Variants in LINGO2 observed in about 807,000 individuals in gnomAD.
The protein encoded by LINGO2 is leucine-rich repeat and immunoglobulin-like domain-containing nogo receptor-interacting protein 2.
Under a neutral mutation model 30.6 loss-of-function variants are expected in LINGO2, and 14 were observed. The observed-to-expected ratio is 0.46, with a 90% CI of 0.30 to 0.72. LINGO2 has a LOEUF of 0.72. LINGO2 is among the 30% of genes least tolerant of loss of function. The probability of loss-of-function intolerance (pLI) is 0.07; values close to 1 mark genes in which losing one functional copy is unlikely to be tolerated. For missense variants in LINGO2, 729 were observed against 751.7 expected (o/e 0.97, Z 0.35); for synonymous variants, 317 against 288.5 (o/e 1.10, Z -1.00).
At chr9:28,926,295 T>C in the LINGO2 span, among the ~76,000 whole-genome samples, 4 of 151,950 alleles carry the variant, frequency 2.6e-5, no homozygotes, top group Admixed American at 6.6e-5. Flanking sequence ...GCCTGGGGGA[T>C]AGAGCAAGAC....
chr9:28,809,197 T>C, the LINGO2 span, among the ~76,000 whole-genome samples: 1 of 152,216 alleles, frequency 6.6e-6, no homozygotes, highest in Non-Finnish European at 1.5e-5. Flanking sequence ...CACTAAAAGA[T>C]AATAACTTTT....
chr9:28,763,114 T>C, the LINGO2 span, among the ~76,000 whole-genome samples: 45 of 152,076 alleles, frequency 3.0e-4, no homozygotes, highest in African/African-American at 1.0e-3. Flanking sequence ...TTCAATGATA[T>C]CCCAATCACA....
chr9:28,392,357 G>A (rs114306414), intron 2 of LINGO2, among the ~76,000 whole-genome samples: 360 of 152,252 alleles, frequency 2.4e-3, no homozygotes, highest in African/African-American at 8.3e-3. Context: ...CCTGGCTTTG[G>A]AGTCGGGCAT....
chr9:28,187,810 A>T (rs572860253), intron 4 of LINGO2, among the ~76,000 whole-genome samples: 7 of 152,314 alleles, frequency 4.6e-5, no homozygotes, highest in African/African-American at 1.7e-4. Context: ...ACATATGATA[A>T]CGTGATCTCT....
chr9:29,153,934 C>T, the LINGO2 span, among the ~76,000 whole-genome samples: 2 of 152,094 alleles, frequency 1.3e-5, no homozygotes, highest in South Asian at 4.1e-4. Flanking sequence ...GACTTTTTCC[C>T]CATGAGATCC....
At chr9:28,344,146 C>G (rs573099983) in intron 3 of LINGO2, among the ~76,000 whole-genome samples, 2 of 151,164 alleles carry the variant, frequency 1.3e-5, no homozygotes, top group African/African-American at 4.9e-5. Context: ...TTATTGGTAA[C>G]AAAAAAAATG....
At chr9:28,577,782 T>A (rs933070424) in intron 1 of LINGO2, among the ~76,000 whole-genome samples, 1 of 152,160 alleles carries the variant, frequency 6.6e-6, no homozygotes, top group Non-Finnish European at 1.5e-5. Flanking sequence ...TATAAATAAA[T>A]GCCAAGTAGC....
chr9:27,980,975 G>A (rs1820826104), intron 5 of LINGO2, among the ~76,000 whole-genome samples: 2 of 151,836 alleles, frequency 1.3e-5, no homozygotes, highest in African/African-American at 4.8e-5. Context: ...GCAAACCACA[G>A]GTCAGTTAGG....
chr9:28,643,846 C>A (rs1478179106), intron 1 of LINGO2, among the ~76,000 whole-genome samples: 6 of 151,768 alleles, frequency 4.0e-5, no homozygotes, highest in Admixed American at 6.6e-5. Flanking sequence ...TAGAAAAAAA[C>A]ATAAAAATCC....
chr9:28,520,955 T>C (rs1820805902), intron 1 of LINGO2, among the ~76,000 whole-genome samples: 1 of 152,182 alleles, frequency 6.6e-6, no homozygotes, highest in Non-Finnish European at 1.5e-5. Context: ...TATATTCCTG[T>C]GCTTTTTGGA....
At chr9:29,035,772 G>A in the LINGO2 span, among the ~76,000 whole-genome samples, 43 of 151,876 alleles carry the variant, frequency 2.8e-4, no homozygotes, top group African/African-American at 9.9e-4. Flanking sequence ...TTGAGCTATC[G>A]TAAAATAATC....
the LINGO2 span, among the ~76,000 whole-genome samples, chr9:29,054,636 T>C: frequency 6.6e-6 from 1 of 152,174 alleles, no homozygotes; most frequent in Admixed American, 6.5e-5. Flanking sequence ...TAACATGAAA[T>C]ATGATATCCT....
chr9:28,620,449 C>A (rs946653703), intron 1 of LINGO2, among the ~76,000 whole-genome samples: 3 of 152,072 alleles, frequency 2.0e-5, no homozygotes, highest in Non-Finnish European at 4.4e-5. Flanking sequence ...AACAGATCAT[C>A]ACTCAGATCT....
chr9:27,997,273 C>T (rs1406938098), intron 5 of LINGO2, among the ~76,000 whole-genome samples: 1 of 152,194 alleles, frequency 6.6e-6, no homozygotes, highest in Non-Finnish European at 1.5e-5. Flanking sequence ...AAGATGTGCA[C>T]GTGCTCATTA....
At chr9:28,898,479 T>C in the LINGO2 span, among the ~76,000 whole-genome samples, 2 of 152,180 alleles carry the variant, frequency 1.3e-5, no homozygotes, top group African/African-American at 2.4e-5. Context: ...TATTTGCCCA[T>C]GGTAGAGGAT....
At chr9:28,879,180 C>G in the LINGO2 span, among the ~76,000 whole-genome samples, 2 of 152,120 alleles carry the variant, frequency 1.3e-5, no homozygotes, top group South Asian at 4.1e-4. Context: ...CACAAGCATT[C>G]TTATACACCA....
the LINGO2 span, among the ~76,000 whole-genome samples, chr9:28,724,318 G>C: frequency 6.6e-6 from 1 of 152,118 alleles, no homozygotes; most frequent in Non-Finnish European, 1.5e-5. Context: ...GATAAGGAAG[G>C]GGAAGACTCA....
chr9:27,956,670 GT>G (rs1199606680), intron 5 of LINGO2, among the ~76,000 whole-genome samples: 1 of 151,916 alleles, frequency 6.6e-6, no homozygotes, highest in Admixed American at 6.6e-5. Flanking sequence ...AATTTTTATA[GT>G]TTTATTATTT....
chr9:29,126,352 T>C, the LINGO2 span, among the ~76,000 whole-genome samples: 17 of 152,128 alleles, frequency 1.1e-4, no homozygotes, highest in African/African-American at 3.9e-4. Context: ...TCCCCATCAC[T>C]ACAATAGGGT....
Sources: allele counts gnomAD v4.1 joint callset (sites outside exome capture counted in the v4.1 genomes callset), GRCh38; gene constraint gnomAD v4.1.1; transcripts MANE v1.5; gene names NCBI Gene and HGNC (gene_info 2026-07-23, HGNC 2026-07-21).